Variants in PAK1 observed in about 807,000 individuals in gnomAD.
The protein encoded by PAK1 is serine/threonine-protein kinase PAK 1.
In PAK1, 29 loss-of-function variants were observed where a neutral mutation model predicts 67.4. The ratio of observed to expected loss-of-function variants is 0.43; its 90% CI spans 0.32 to 0.59. PAK1 has a LOEUF of 0.59. Among genes scored for constraint, PAK1 ranks in the 20% least tolerant of loss-of-function variants. PAK1 has a pLI of 0.07. For synonymous variants in PAK1, 223 were observed against 237.4 expected, an observed-to-expected ratio of 0.94 and a Z score of 0.56; for missense variants, 337 against 670.7, an observed-to-expected ratio of 0.50 and a Z score of 5.50.
chr11:77,501,991 A>G, the PAK1 span, among the ~76,000 whole-genome samples: 1 of 152,192 alleles, frequency 6.6e-6, no homozygotes, highest in African/African-American at 2.4e-5. Context: ...TGAGCTGGGA[A>G]TCTGCTGACA....
At chr11:77,468,373 T>C (rs1272597993) in intron 1 of PAK1, among the ~76,000 whole-genome samples, 1 of 152,254 alleles carries the variant, frequency 6.6e-6, no homozygotes, top group Non-Finnish European at 1.5e-5. Context: ...CAAGAAGGGA[T>C]AATCCGGAGA....
chr11:77,451,685 C>T (rs1029478395), intron 1 of PAK1, among the ~76,000 whole-genome samples: 5 of 151,118 alleles, frequency 3.3e-5, no homozygotes, highest in South Asian at 2.1e-4. Flanking sequence ...CTGCAAGCTC[C>T]GCCTCCTGGG....
At chr11:77,472,101 C>T (rs1312863394) in intron 1 of PAK1, among the ~76,000 whole-genome samples, 1 of 152,102 alleles carries the variant, frequency 6.6e-6, no homozygotes, top group African/African-American at 2.4e-5. Context: ...AGACTGAATC[C>T]CCATAGCCTT....
At chr11:77,432,778 T>C (rs1190580757) in intron 1 of PAK1, among the ~76,000 whole-genome samples, 1 of 150,600 alleles carries the variant, frequency 6.6e-6, no homozygotes, top group Non-Finnish European at 1.5e-5. Context: ...GGTTTCAGGA[T>C]ACAAAAATCA....
At chr11:77,429,986 A>G (rs1955785257) in intron 1 of PAK1, among the ~76,000 whole-genome samples, 1 of 152,232 alleles carries the variant, frequency 6.6e-6, no homozygotes, top group South Asian at 2.1e-4. Context: ...ATTTTAATAA[A>G]AACAAAACAG....
At chr11:77,437,187 C>T (rs2138395128) in intron 1 of PAK1, among the ~76,000 whole-genome samples, 1 of 152,276 alleles carries the variant, frequency 6.6e-6, no homozygotes, top group South Asian at 2.1e-4. Context: ...CTGTTCCCAT[C>T]TGTAAAACAA....
the PAK1 span, among the ~76,000 whole-genome samples, chr11:77,485,174 G>A: frequency 2.4e-4 from 36 of 152,278 alleles, no homozygotes; most frequent in Non-Finnish European, 4.3e-4. Flanking sequence ...AAAGAGTAGC[G>A]GGGTAGAGGT....
intron 1 of PAK1, among the ~76,000 whole-genome samples, chr11:77,449,691 TAAAA>T (rs35907304): frequency 8.8e-6 from 1 of 113,942 alleles, no homozygotes. Context: ...ATCCTATAGG[TAAAA>T]AAAAAAAAAA....
At chr11:77,495,837 C>G in the PAK1 span, among the ~76,000 whole-genome samples, 1 of 152,110 alleles carries the variant, frequency 6.6e-6, no homozygotes, top group Non-Finnish European at 1.5e-5. Flanking sequence ...CTAGAGCAGT[C>G]AAATTCATAG....
rs1341917778 is a variant in PAK1 at position 77,394,991 on chromosome 11, T to TA, written c.-21-2451dup. ...CCACCACTACCACTCTAATTTCCCT[T>TA]ACACTCTATCCACACCCAACTTCTC... is the stretch of plus-strand genomic sequence containing the variant. On this transcript the variant is annotated intron_variant, in intron 1 of 14. Transcript: ENST00000356341. 3.3e-5 allele frequency among the ~76,000 whole-genome samples: 5 copies of TA among 152,302 alleles called. 1 individual carries two copies. The East Asian group carries it at 9.6e-4, about 29-fold the overall frequency.
At chr11:77,403,865 G>A (rs902152158) in intron 1 of PAK1, among the ~76,000 whole-genome samples, 1 of 152,194 alleles carries the variant, frequency 6.6e-6, no homozygotes, top group East Asian at 1.9e-4. Flanking sequence ...GTTGAGAGGT[G>A]AGATCTTTAA....
At chr11:77,366,201 A>G (rs1947557015) in intron 5 of PAK1, among the ~76,000 whole-genome samples, 1 of 152,260 alleles carries the variant, frequency 6.6e-6, no homozygotes, top group African/African-American at 2.4e-5. Flanking sequence ...TTTACAAGAA[A>G]TACTCAAAGA....
chr11:77,339,467 G>A (rs1056041431), intron 11 of PAK1, among the ~76,000 whole-genome samples: 5 of 148,568 alleles, frequency 3.4e-5, no homozygotes, highest in African/African-American at 7.6e-5. Flanking sequence ...AGAAGGTTAC[G>A]AAATACTGCA....
intron 4 of PAK1, among the ~76,000 whole-genome samples, chr11:77,376,126 C>T (rs1056687796): frequency 6.6e-6 from 1 of 152,160 alleles, no homozygotes; most frequent in East Asian, 1.9e-4. Flanking sequence ...TGCACTACCC[C>T]CAACTTTACG....
intron 5 of PAK1, among the ~76,000 whole-genome samples, chr11:77,363,670 T>C (rs1021702502): frequency 6.6e-6 from 1 of 152,196 alleles, no homozygotes; most frequent in African/African-American, 2.4e-5. Flanking sequence ...ATCTGTCCTT[T>C]ATCTTTTTAA....
At chr11:77,406,180 T>G (rs750168207) in intron 1 of PAK1, among the ~76,000 whole-genome samples, 5 of 152,170 alleles carry the variant, frequency 3.3e-5, no homozygotes, top group African/African-American at 7.2e-5. Context: ...TTCTCATGGC[T>G]TTACATATTA....
At chr11:77,462,472 A>G (rs116884829) in intron 1 of PAK1, among the ~76,000 whole-genome samples, 5,550 of 152,058 alleles carry the variant, frequency 0.036, 124 homozygotes, top group Middle Eastern at 0.085. Context: ...CTAATACCAG[A>G]CATTGAAAGG....
chr11:77,394,995 C>T (rs563281028), intron 1 of PAK1, among the ~76,000 whole-genome samples: 1 of 152,330 alleles, frequency 6.6e-6, no homozygotes, highest in East Asian at 1.9e-4. Flanking sequence ...TTCCCTTACA[C>T]TCTATCCACA....
chr11:77,326,914 A>G (rs1309273788), intron 14 of PAK1, among the ~76,000 whole-genome samples: 1 of 152,210 alleles, frequency 6.6e-6, no homozygotes, highest in Non-Finnish European at 1.5e-5. Context: ...GATAACAAGA[A>G]TAATCAATGC....
Sources: allele counts gnomAD v4.1 joint callset (sites outside exome capture counted in the v4.1 genomes callset), GRCh38; gene constraint gnomAD v4.1.1; transcripts MANE v1.5; gene names NCBI Gene and HGNC (gene_info 2026-07-23, HGNC 2026-07-21).